Variants in DOK6 observed in about 807,000 individuals in gnomAD.
DOK6 encodes the protein downstream of tyrosine kinase 6.
In DOK6, 22 loss-of-function variants were observed where a neutral mutation model predicts 44.0. The observed-to-expected ratio is 0.50, with a 90% confidence interval of 0.36 to 0.71. The LOEUF is 0.71. Ranked by LOEUF, DOK6 falls within the 30% of genes least tolerant of loss-of-function variation. DOK6 has a pLI of 0.00. For synonymous variants in DOK6, 166 were observed against 145.5 expected (o/e 1.14, Z -1.01); for missense variants, 340 against 416.4 (o/e 0.82, Z 1.60).
intron 2 of DOK6, among the ~76,000 whole-genome samples, chr18:69,586,065 T>C (rs917040342): frequency 6.6e-6 from 1 of 152,236 alleles, no homozygotes; most frequent in Non-Finnish European, 1.5e-5. Context: ...CAACTCATGG[T>C]AGTTCTTCCC....
At position 69,841,154 on chromosome 18, in the gene DOK6, GATAGATAGATA is replaced by G. The variant is rs1474426794; in HGVS notation, c.857-79_857-69del. On this transcript the variant is annotated intron_variant, in intron 7 of 7. Transcript: ENST00000382713. Reference sequence around the variant, plus strand: ...CTTGTTTATTGTTCTTAAAAATATAGATAGATAGATAATAGATAGATGATAGATAGTGTATC... The same window carrying G: ...CTTGTTTATTGTTCTTAAAAATATAGATAGATAGATGATAGATAGTGTATC... 7.4e-6 allele frequency: 11 copies of G among 1,488,748 alleles called. No individual in the cohort carries two copies. The African/African-American group carries it at 9.8e-5, about 13-fold the overall frequency. 92.2% of individuals were successfully genotyped at this position (1,488,748 alleles called of 1,614,324 possible).
chr18:69,785,307 A>G (rs1980397442), intron 7 of DOK6, among the ~76,000 whole-genome samples: 1 of 152,202 alleles, frequency 6.6e-6, no homozygotes, highest in Non-Finnish European at 1.5e-5. Flanking sequence ...GTTTGCAATT[A>G]CGCATTTGGT....
intron 5 of DOK6, among the ~76,000 whole-genome samples, chr18:69,718,277 C>T (rs1986928521): frequency 6.6e-6 from 1 of 152,156 alleles, no homozygotes; most frequent in Admixed American, 6.5e-5. Flanking sequence ...GGAGAGAGAG[C>T]TATTCTCCTT....
At chr18:69,514,552 A>C (rs1318572613) in intron 1 of DOK6, among the ~76,000 whole-genome samples, 1 of 142,378 alleles carries the variant, frequency 7.0e-6, no homozygotes, top group South Asian at 2.1e-4. Context: ...TGAAAAACAT[A>C]GAGTACATAT....
Position 69,726,680 on chromosome 18 carries a change from C to T in DOK6, c.600-12285C>T, listed in dbSNP as rs1413152832. Among the ~76,000 whole-genome samples the T allele has an allele frequency of 4.2e-5, 6 of 144,024 alleles. No homozygotes were observed. In the South Asian group the frequency reaches 8.9e-4, roughly 21 times the overall value. The allele number at this position is 144,024 out of a possible 152,430, so 94.5% of individuals were successfully genotyped here. ...GTATATGTGTGTGTGTGTATATATA[C>T]ATATATTTTTTTTCTCACAGTTCTC... On this transcript the variant is annotated intron_variant, in intron 5 of 7. Transcript: ENST00000382713.
chr18:69,725,737 T>C (rs950947405), intron 5 of DOK6, among the ~76,000 whole-genome samples: 2 of 152,306 alleles, frequency 1.3e-5, no homozygotes, highest in African/African-American at 4.8e-5. Context: ...ATCGCCCACC[T>C]TGGCCTCCCA....
chr18:69,548,826 G>T (rs1359139774), intron 1 of DOK6, among the ~76,000 whole-genome samples: 1 of 151,482 alleles, frequency 6.6e-6, no homozygotes, highest in Non-Finnish European at 1.5e-5. Context: ...GGGCGCGGTG[G>T]CTCACGCCTG....
chr18:69,792,539 C>T (rs1980631708), intron 7 of DOK6, among the ~76,000 whole-genome samples: 1 of 151,888 alleles, frequency 6.6e-6, no homozygotes, highest in Non-Finnish European at 1.5e-5. Flanking sequence ...GATTTTGTAT[C>T]CTGCAACTTT....
At chr18:69,494,124 A>G (rs141432011) in intron 1 of DOK6, among the ~76,000 whole-genome samples, 393 of 152,294 alleles carry the variant, frequency 2.6e-3, no homozygotes, top group African/African-American at 8.8e-3. Context: ...GTCTTGCACA[A>G]TTTTCAGATT....
intron 4 of DOK6, among the ~76,000 whole-genome samples, chr18:69,693,849 G>C (rs1185245250): frequency 6.6e-6 from 1 of 151,510 alleles, no homozygotes; most frequent in East Asian, 1.9e-4. Flanking sequence ...ATGAGGTCAG[G>C]AGATCGAGAC....
At chr18:69,554,494 G>A (rs950652325) in intron 1 of DOK6, among the ~76,000 whole-genome samples, 1 of 152,144 alleles carries the variant, frequency 6.6e-6, no homozygotes, top group Admixed American at 6.5e-5. Flanking sequence ...TTGCACGTGA[G>A]GTTCTATGTA....
intron 4 of DOK6, among the ~76,000 whole-genome samples, chr18:69,680,410 C>G (rs552737303): frequency 6.6e-6 from 1 of 152,298 alleles, no homozygotes; most frequent in East Asian, 1.9e-4. Context: ...GTCTGCACCC[C>G]CCTCTTTAAA....
intron 1 of DOK6, among the ~76,000 whole-genome samples, chr18:69,438,392 T>C (rs1479105696): frequency 1.3e-5 from 2 of 152,238 alleles, no homozygotes; most frequent in Non-Finnish European, 2.9e-5. Context: ...AAGTTTTATC[T>C]TGAGATTTCA....
In DOK6 at chr18:69,841,272, T is replaced by TC. The variant is rs1195458254; in HGVS notation, c.886dup (p.Arg296ProfsTer14). The TC allele has an allele frequency of 6.2e-7, 1 of 1,614,096 alleles. No individual in the cohort carries two copies. Among genetic ancestry groups the TC allele is most frequent in the Non-Finnish European group, 8.5e-7 (1 of 1,180,048 alleles). On this transcript the variant is annotated frameshift_variant, in exon 8 of 8. Coordinates refer to ENST00000382713, the MANE Select transcript of DOK6 (RefSeq NM_152721.6). LOFTEE classifies it high-confidence loss of function. ...ATGGGTTTGGTTCGTCAAAGATGTC[T>TC]CGTGCACAGACATTTCCCAGCTACG...
At chr18:69,416,280 G>A (rs1978340909) in intron 1 of DOK6, among the ~76,000 whole-genome samples, 1 of 152,074 alleles carries the variant, frequency 6.6e-6, no homozygotes, top group African/African-American at 2.4e-5. Context: ...ATGAATGAAT[G>A]TGTTTTTGCT....
chr18:69,523,095 G>A (rs1049027746), intron 1 of DOK6, among the ~76,000 whole-genome samples: 2 of 152,058 alleles, frequency 1.3e-5, no homozygotes, highest in African/African-American at 2.4e-5. Context: ...TGGTGTTATC[G>A]GAAATGTGTA....
intron 1 of DOK6, among the ~76,000 whole-genome samples, chr18:69,476,993 G>A (rs6566427): frequency 0.72 from 109,937 of 152,082 alleles, 40,071 homozygotes; most frequent in African/African-American, 0.76. Context: ...TATATGATTT[G>A]CCTGAAGTCT....
intron 3 of DOK6, among the ~76,000 whole-genome samples, chr18:69,665,396 G>T (rs545219005): frequency 6.6e-6 from 1 of 152,040 alleles, no homozygotes; most frequent in Non-Finnish European, 1.5e-5. Flanking sequence ...GTGGAATGAG[G>T]TATTTGATTA....
chr18:69,484,286 T>C (rs757718750), intron 1 of DOK6, among the ~76,000 whole-genome samples: 3 of 152,164 alleles, frequency 2.0e-5, no homozygotes, highest in Non-Finnish European at 2.9e-5. Context: ...TTTCTTTGCT[T>C]TAAGTAACTA....
Sources: gnomAD v4.1 joint callset for allele counts (sites outside exome capture counted in the v4.1 genomes callset) on GRCh38, gnomAD v4.1.1 for gene constraint, MANE v1.5 for transcripts, NCBI Gene and HGNC (gene_info 2026-07-23, HGNC 2026-07-21) for gene names.